The following GNG12 variants were observed in gnomAD, a reference collection of about 807,000 sequenced individuals.
GNG12 encodes the protein G protein subunit gamma 12, also known as guanine nucleotide-binding protein G(I)/G(S)/G(O) subunit gamma-12.
For missense variants in GNG12, 69 were observed against 83.8 expected (o/e 0.82, Z 0.69); for synonymous variants, 28 against 29.7 (o/e 0.94, Z 0.19).
intron 2 of GNG12, among the ~76,000 whole-genome samples, chr1:67,748,090 G>A (rs1646517001): frequency 6.6e-6 from 1 of 152,176 alleles, no homozygotes; most frequent in South Asian, 2.1e-4. Flanking sequence ...CAGAACAAGA[G>A]ACTGTTAGTC....
At chr1:67,769,811 C>T (rs984448287) in intron 2 of GNG12, among the ~76,000 whole-genome samples, 1 of 149,510 alleles carries the variant, frequency 6.7e-6, no homozygotes, top group African/African-American at 2.5e-5. Flanking sequence ...ACAAGGCACG[C>T]ACACACACAC....
intron 1 of GNG12, among the ~76,000 whole-genome samples, chr1:67,782,195 T>C (rs1646741111): frequency 6.6e-6 from 1 of 152,208 alleles, no homozygotes; most frequent in Non-Finnish European, 1.5e-5. Flanking sequence ...AATTGGGGCA[T>C]AGTTGAGGGA....
chr1:67,744,062 C>G (rs1208720388), intron 2 of GNG12, among the ~76,000 whole-genome samples: 1 of 152,122 alleles, frequency 6.6e-6, no homozygotes, highest in South Asian at 2.1e-4. Context: ...ACAGTACGAA[C>G]AATAAATGTA....
chr1:67,817,674 C>T (rs1646960421), intron 1 of GNG12, among the ~76,000 whole-genome samples: 1 of 151,926 alleles, frequency 6.6e-6, no homozygotes, highest in East Asian at 1.9e-4. Flanking sequence ...TCCTCATTAG[C>T]TTACTGGTCC....
intron 2 of GNG12, among the ~76,000 whole-genome samples, chr1:67,736,675 A>T (rs1487889861): frequency 6.6e-6 from 1 of 152,186 alleles, no homozygotes; most frequent in African/African-American, 2.4e-5. Flanking sequence ...AAAACCATCC[A>T]TGTGGTGGGG....
At chr1:67,805,510 GAAAT>G (rs1210988402) in intron 1 of GNG12, among the ~76,000 whole-genome samples, 1 of 152,106 alleles carries the variant, frequency 6.6e-6, no homozygotes, top group Admixed American at 6.6e-5. Flanking sequence ...TTAAAAGACA[GAAAT>G]AAAGAATGCC....
At chr1:67,754,936 A>C (rs542359354) in intron 2 of GNG12, among the ~76,000 whole-genome samples, 3 of 152,372 alleles carry the variant, frequency 2.0e-5, no homozygotes, top group South Asian at 4.1e-4. Flanking sequence ...AGGTAAATCC[A>C]GATTGGTCTA....
At chr1:67,805,909 A>G (rs1646892092) in intron 1 of GNG12, among the ~76,000 whole-genome samples, 1 of 152,070 alleles carries the variant, frequency 6.6e-6, no homozygotes, top group African/African-American at 2.4e-5. Context: ...AAAAGAAAAA[A>G]AAAAAATCTT....
chr1:67,761,542 G>T (rs919010294), intron 2 of GNG12, among the ~76,000 whole-genome samples: 1 of 152,138 alleles, frequency 6.6e-6, no homozygotes, highest in Non-Finnish European at 1.5e-5. Context: ...GGGAAACAGG[G>T]GGCATCTTGT....
chr1:67,749,689 A>C (rs1011783952), intron 2 of GNG12, among the ~76,000 whole-genome samples: 3 of 152,158 alleles, frequency 2.0e-5, no homozygotes, highest in Non-Finnish European at 2.9e-5. Flanking sequence ...TGGATGCCTC[A>C]CCTGGCAAGG....
At chr1:67,748,189 G>A (rs1484847363) in intron 2 of GNG12, among the ~76,000 whole-genome samples, 1 of 152,168 alleles carries the variant, frequency 6.6e-6, no homozygotes, top group Admixed American at 6.5e-5. Context: ...AACCTAAAGG[G>A]TGGACTACAA....
At chr1:67,741,169 CT>C (rs1416096745) in intron 2 of GNG12, among the ~76,000 whole-genome samples, 5 of 152,202 alleles carry the variant, frequency 3.3e-5, no homozygotes, top group Non-Finnish European at 5.9e-5. Context: ...AGAAATGCTT[CT>C]TAAGTTAAAG....
In GNG12 at chr1:67,707,661, T is replaced by C. The variant is rs762008495; in HGVS notation, c.26A>G (p.Asn9Ser). Residue 9 changes from asparagine to serine, a missense_variant, in exon 3 of 4, where the codon AAC (asparagine) becomes AGC (serine). Physicochemically the swap from Asn to Ser is conservative, Grantham distance 46. Transcript: ENST00000370982. ...AGTTCTCCTTGCCTGGGCTATATTG[T>C]TGGTGCTTGCTGTTTTGCTGGACAT... The part of the protein sequence containing the change: MSSKTAST[N>S]NIAQARRTVQ... 2 of 1,606,944 alleles carry C rather than the reference T, an allele frequency of 1.2e-6. No homozygotes were observed. The highest frequency in any genetic ancestry group is 1.3e-5 in the African/African-American group (1 of 74,616).
intron 2 of GNG12, among the ~76,000 whole-genome samples, chr1:67,757,472 C>T (rs1646576486): frequency 2.0e-5 from 3 of 152,162 alleles, no homozygotes; most frequent in Non-Finnish European, 4.4e-5. Context: ...ACTCAAGTGT[C>T]CACTAGCTCT....
chr1:67,776,058 A>G (rs979827210), intron 2 of GNG12, among the ~76,000 whole-genome samples: 1 of 152,102 alleles, frequency 6.6e-6, no homozygotes, highest in African/African-American at 2.4e-5. Flanking sequence ...TTTGAGGAGT[A>G]ACGTCCTGAA....
At chr1:67,734,452 T>TAA (rs1475967483) in intron 2 of GNG12, among the ~76,000 whole-genome samples, 1 of 152,234 alleles carries the variant, frequency 6.6e-6, no homozygotes, top group Admixed American at 6.5e-5. Context: ...TTAGACGCAC[T>TAA]AATTTACCCC....
chr1:67,731,883 T>G (rs750729506), intron 2 of GNG12, among the ~76,000 whole-genome samples: 4 of 152,242 alleles, frequency 2.6e-5, no homozygotes, highest in Non-Finnish European at 5.9e-5. Flanking sequence ...TTTTTTTATA[T>G]TCTCCACCCC....
chr1:67,771,580 T>A (rs781636954), intron 2 of GNG12, among the ~76,000 whole-genome samples: 2 of 152,048 alleles, frequency 1.3e-5, no homozygotes, highest in East Asian at 1.9e-4. Flanking sequence ...AAAAGCAGAG[T>A]TTGAAAGCCA....
At chr1:67,819,331 T>C (rs556620082) in intron 1 of GNG12, among the ~76,000 whole-genome samples, 98 of 152,172 alleles carry the variant, frequency 6.4e-4, no homozygotes, top group Non-Finnish European at 1.2e-3. Context: ...TTTCAGCAAA[T>C]GTCTATCTGA....
Sources: gnomAD v4.1 joint callset for allele counts (sites outside exome capture counted in the v4.1 genomes callset) on GRCh38, gnomAD v4.1.1 for gene constraint, MANE v1.5 for transcripts, NCBI Gene and HGNC (gene_info 2026-07-23, HGNC 2026-07-21) for gene names.